NPHP4: variants seen among roughly 807,000 people sequenced by gnomAD.
NPHP4 encodes nephrocystin 4.
In NPHP4, 151 loss-of-function variants were observed where a neutral mutation model predicts 155.8. That is an observed-to-expected ratio of 0.97 (90% CI 0.85 to 1.11). The LOEUF is 1.11. Among genes scored for constraint, NPHP4 ranks in the 50% least tolerant of loss-of-function variants. The probability of loss-of-function intolerance (pLI) is 0.00; values close to 1 mark genes in which losing one functional copy is unlikely to be tolerated. For synonymous variants in NPHP4, 845 were observed against 816.8 expected (o/e 1.03, Z -0.59); for missense variants, 1,956 against 1,925.7 (o/e 1.02, Z -0.29).
At position 5,890,371 on chromosome 1, in the gene NPHP4, G is replaced by A. The variant is rs890729140; in HGVS notation, c.2304+497C>T. On this transcript the variant is annotated intron_variant, in intron 17 of 29. Coordinates refer to ENST00000378156, the MANE Select transcript of NPHP4 (RefSeq NM_015102.5). The surrounding 1 kb of genome is among the most constrained non-coding windows in gnomAD (Gnocchi z 4.9). ...AGGGAAGACGAGTGAAAGAATCCAT[G>A]GATTTAGGTTTTAGTATACAAGGAG... Among the ~76,000 whole-genome samples the A allele has an allele frequency of 6.6e-6, 1 of 152,114 alleles. No individual in the cohort carries two copies. Among genetic ancestry groups the A allele is most frequent in the South Asian group, 2.1e-4 (1 of 4,820 alleles).
chr1:5,952,985 C>G (rs1400402821), intron 6 of NPHP4, 149 bp from the exon 7 acceptor site: 2 of 627,818 alleles, frequency 3.2e-6, no homozygotes, highest in Non-Finnish European at 5.2e-6. Context: ...AGGCCCAAGC[C>G]AAGCCTCCAC....
chr1:5,880,186 A>T lies in NPHP4; in HGVS notation c.2539T>A (p.Ser847Thr). The change falls in exon 19 of 30, where the codon TCT becomes ACT. Residue 847 changes from serine (S) to threonine (T), a missense_variant. Transcript: ENST00000378156. ...GCTCCATCGTTTGAGATGACCCGAG[A>T]TCTGGACGGTGGCAATGTGCTACAA... ...RGCSTLPPSRSRVISNDGASR... is the reference protein window; with the variant it reads ...RGCSTLPPSRTRVISNDGASR... 1 of 1,613,798 alleles carries T rather than the reference A, an allele frequency of 6.2e-7. No homozygotes were observed.
intron 10 of NPHP4, 36 bp downstream of exon 10, chr1:5,933,111 T>A: frequency 7.0e-7 from 1 of 1,429,346 alleles, no homozygotes; most frequent in Non-Finnish European, 9.4e-7. Context: ...TGCTAGAAGC[T>A]CACCGGAGAT....
intron 8 of NPHP4, 111 bp from the exon 9 acceptor site, chr1:5,947,341 G>GT: frequency 8.6e-7 from 1 of 1,156,564 alleles, no homozygotes; most frequent in Non-Finnish European, 1.3e-6. Flanking sequence ...GGGACACAGG[G>GT]GTGCTGCTGC....
chr1:5,947,983 G>A, intron 8 of NPHP4, 87 bp downstream of exon 8: 1 of 1,054,280 alleles, frequency 9.5e-7, no homozygotes, highest in African/African-American at 1.6e-5. Flanking sequence ...ACGTGGGTGA[G>A]TCAACACCTG....
At chr1:5,952,916 C>T in intron 6 of NPHP4, 80 bp from the exon 7 acceptor site, 1 of 1,379,990 alleles carries the variant, frequency 7.2e-7, no homozygotes, top group South Asian at 1.4e-5. Context: ...CCTACCCACC[C>T]CAGCCTCAGC....
At position 5,877,189 on chromosome 1, in the gene NPHP4, C is replaced by T; in HGVS notation, c.2721G>A (p.Glu907=). The T allele has an allele frequency of 6.2e-7, 1 of 1,604,316 alleles. No homozygotes were observed. Among genetic ancestry groups the T allele is most frequent in the Non-Finnish European group, 8.5e-7 (1 of 1,174,978 alleles). Residue 907 remains glutamate, a synonymous_variant, in exon 20 of 30, where the codon GAG becomes GAA. Coordinates refer to ENST00000378156, the MANE Select transcript of NPHP4 (RefSeq NM_015102.5). Reference sequence around the variant, plus strand: ...GCTTACGCCTGCGGGTGGCATCCGACTCGCGGCTGACGTCCTGGGGCCCCT... The same window carrying T: ...GCTTACGCCTGCGGGTGGCATCCGATTCGCGGCTGACGTCCTGGGGCCCCT... ...QGKGPQDVSR[E]SDATRRRKLE...
intron 16 of NPHP4, among the ~76,000 whole-genome samples, chr1:5,899,388 A>G (rs1644559642): frequency 6.6e-6 from 1 of 152,180 alleles, no homozygotes; most frequent in East Asian, 1.9e-4. Flanking sequence ...AGGCCAGCAA[A>G]AGAAGTGGGA....
intron 9 of NPHP4, among the ~76,000 whole-genome samples, chr1:5,943,645 C>T (rs565926385): frequency 6.6e-6 from 1 of 152,344 alleles, no homozygotes; most frequent in South Asian, 2.1e-4. Flanking sequence ...ACAGGCCGCC[C>T]AGCTCATGCA....
intron 6 of NPHP4, among the ~76,000 whole-genome samples, chr1:5,959,502 C>T (rs1649906019): frequency 6.6e-6 from 1 of 152,142 alleles, no homozygotes; most frequent in Middle Eastern, 3.2e-3. Context: ...TTCTCATTTG[C>T]AGTCCTAGTC....
At chr1:5,959,615 C>T (rs1237118800) in intron 6 of NPHP4, among the ~76,000 whole-genome samples, 2 of 152,226 alleles carry the variant, frequency 1.3e-5, no homozygotes, top group Non-Finnish European at 2.9e-5. Context: ...CCTCCGGCTC[C>T]AAGACTCCCA....
rs1275055809 is a variant in NPHP4, at chr1:5,879,825, ACACACGCAAACACACACAGACACG to A, written c.2611+265_2611+288del. Among the ~76,000 whole-genome samples the A allele has an allele frequency of 3.2e-3, 352 of 110,446 alleles. 3 individuals carry two copies. The highest frequency in any genetic ancestry group is 0.01 in the African/African-American group (330 of 31,452). 72.5% of individuals were successfully genotyped at this position (110,446 alleles called of 152,430 possible). Reference sequence around the variant, plus strand: ...CACACACACACACGCAAACACACACACACACGCAAACACACACAGACACGCACACAGACACGCACACACACATGC... The same window carrying A: ...CACACACACACACGCAAACACACACACACACAGACACGCACACACACATGC... On this transcript the variant is annotated intron_variant, in intron 19 of 29. Coordinates refer to ENST00000378156, the MANE Select transcript of NPHP4 (RefSeq NM_015102.5).
At chr1:5,911,512 A>G (rs892213491) in intron 11 of NPHP4, among the ~76,000 whole-genome samples, 4 of 152,238 alleles carry the variant, frequency 2.6e-5, no homozygotes, top group African/African-American at 9.6e-5. Context: ...TTCCAAGCAC[A>G]TCTGAACTTC....
At position 5,887,402 on chromosome 1, in the gene NPHP4, T is replaced by G. The variant is rs1489435989; in HGVS notation, c.2369A>C (p.Glu790Ala). ...ASHELEVVATEYEQDNMVVSG... is the reference protein window; with the variant it reads ...ASHELEVVATAYEQDNMVVSG... ...CACCACCATGTTGTCCTGCTCGTAT[T>G]CAGTTGCCACGACCTCAAGCTCGTG... Residue 790 changes from glutamate (E) to alanine (A), a missense_variant, in exon 18 of 30, where the codon GAA becomes GCA. Coordinates refer to ENST00000378156, the MANE Select transcript of NPHP4 (RefSeq NM_015102.5). The G allele has an allele frequency of 1.2e-6, 2 of 1,613,450 alleles. No homozygotes were observed. The highest frequency in any genetic ancestry group is 2.2e-5 in the South Asian group (2 of 91,088).
chr1:5,990,448 A>G lies in NPHP4; in HGVS notation c.-39+1796T>C, dbSNP rs978600522. On this transcript the variant is annotated intron_variant, in intron 1 of 29. Coordinates refer to ENST00000378156, the MANE Select transcript of NPHP4 (RefSeq NM_015102.5). ...AAGGGTACAGTGGGCTCTCCAGGGG[A>G]AAAAAAAAAAGAAGAAGAAGAAAAT... is the stretch of plus-strand genomic sequence containing the variant. 8.9e-5 allele frequency among the ~76,000 whole-genome samples: 13 copies of G among 145,708 alleles called. No individual in the cohort carries two copies. The East Asian group carries it at 9.9e-4, about 11-fold the overall frequency.
At chr1:5,953,101 CTTGT>C (rs56332295) in intron 6 of NPHP4, among the ~76,000 whole-genome samples, 36,410 of 151,736 alleles carry the variant, frequency 0.24, 5,513 homozygotes, top group East Asian at 0.53. Flanking sequence ...TGTTTTTCTG[CTTGT>C]TTGTTTGTTT....
At chr1:5,956,926 C>T (rs1453461544) in intron 6 of NPHP4, among the ~76,000 whole-genome samples, 1 of 152,224 alleles carries the variant, frequency 6.6e-6, no homozygotes, top group Non-Finnish European at 1.5e-5. Flanking sequence ...CAGCTCACAT[C>T]GTGGCTAGAC....
chr1:5,941,610 G>A (rs1381784263), intron 9 of NPHP4, among the ~76,000 whole-genome samples: 4 of 152,174 alleles, frequency 2.6e-5, no homozygotes, highest in Non-Finnish European at 4.4e-5. Flanking sequence ...CAGAAAAATG[G>A]GCAAAATAAG....
At chr1:5,873,365 A>G (rs1486519559) in intron 22 of NPHP4, 30 bp from the exon 23 acceptor site, 11 of 1,578,634 alleles carry the variant, frequency 7.0e-6, no homozygotes, top group African/African-American at 1.3e-5. Context: ...CAAGCAGGTC[A>G]GGAAGCAACA....
Sources: allele counts gnomAD v4.1 joint callset (sites outside exome capture counted in the v4.1 genomes callset), GRCh38; gene constraint gnomAD v4.1.1; non-coding constraint Gnocchi (gnomAD v3.1); transcripts MANE v1.5; gene names NCBI Gene and HGNC (gene_info 2026-07-23, HGNC 2026-07-21).